The following CLMN variants were observed in gnomAD, a reference collection of about 807,000 sequenced individuals.
CLMN encodes the protein calmin.
Under a neutral mutation model 92.7 loss-of-function variants are expected in CLMN, and 57 were observed. The observed-to-expected ratio is 0.61, with a 90% confidence interval of 0.50 to 0.77. The LOEUF is 0.77. CLMN is among the 30% of genes least tolerant of loss of function. The pLI, the probability that CLMN is intolerant of heterozygous loss-of-function variation, is 0.00. For missense variants in CLMN, 1,158 were observed against 1,237.5 expected (o/e 0.94, Z 0.96); for synonymous variants, 466 against 470.6 (o/e 0.99, Z 0.13).
At chr14:95,293,602 G>A (rs1046830463) in intron 1 of CLMN, among the ~76,000 whole-genome samples, 1 of 152,104 alleles carries the variant, frequency 6.6e-6, no homozygotes, top group African/African-American at 2.4e-5. Flanking sequence ...CTCCCAGCAG[G>A]CAGGAACGAG....
At position 95,204,034 on chromosome 14, in the gene CLMN, T is replaced by C. The variant is rs768679372; in HGVS notation, c.1315A>G (p.Ser439Gly). 3 of 1,614,218 alleles carry C rather than the reference T, an allele frequency of 1.9e-6. No individual in the cohort carries two copies. Among genetic ancestry groups the C allele is most frequent in the South Asian group, 1.1e-5 (1 of 91,080 alleles). ...TCAAAGCAAAGGGACAGGTTCTTAC[T>C]GCAGAAAGGATCCTTGTAGGTGTCA... ...EADTYKDPFC[S>G]KNLSLCFEGS... The change falls in exon 9 of 13, where the codon AGT becomes GGT. Residue 439 changes from serine (S) to glycine (G), a missense_variant. Physicochemically the swap from Ser to Gly is moderately conservative, Grantham distance 56. Transcript: ENST00000298912.
At position 95,203,300 on chromosome 14, in the gene CLMN, G is replaced by A. The variant is rs138654486; in HGVS notation, c.2049C>T (p.Gly683=). The change falls in exon 9 of 13, where the codon GGC becomes GGT. Residue 683 remains glycine (G), a synonymous_variant. Transcript: ENST00000298912. ...EGEDDDLQGV[G]EELSSSPPSS... ...TTGGGGGGCTGGAAGATAATTCCTC[G>A]CCCACACCCTGGAGGTCATCGTCTT... 2.2e-4 allele frequency: 363 copies of A among 1,614,012 alleles called. No homozygotes were observed. The highest frequency in any genetic ancestry group is 3.3e-4 in the East Asian group (15 of 44,866).
In CLMN at chr14:95,259,358, C is replaced by T. The variant is rs568927585; in HGVS notation, c.83-29225G>A. On this transcript the variant is annotated intron_variant, in intron 1 of 12. Coordinates refer to ENST00000298912, the MANE Select transcript of CLMN (RefSeq NM_024734.4). This position sits in a 1 kb window ranked among gnomAD's most constrained non-coding sequence, Gnocchi z 4.3. ...GGACCCTGGCCGTCCACTGGCTCCC[C>T]ACTCACCAGGCCTGACCTTGGGCAC... Among the ~76,000 whole-genome samples, 1 of 152,186 alleles carries T rather than the reference C, an allele frequency of 6.6e-6. No homozygotes were observed. Among genetic ancestry groups the T allele is most frequent in the East Asian group, 1.9e-4 (1 of 5,188 alleles).
chr14:95,235,464 C>A (rs960307901), intron 1 of CLMN, among the ~76,000 whole-genome samples: 1 of 152,178 alleles, frequency 6.6e-6, no homozygotes, highest in African/African-American at 2.4e-5. Flanking sequence ...GGACAAAGAC[C>A]AGGCAGTCTA....
At chr14:95,206,402 A>G (rs938618885) in intron 8 of CLMN, among the ~76,000 whole-genome samples, 6 of 152,214 alleles carry the variant, frequency 3.9e-5, no homozygotes, top group Admixed American at 2.6e-4. Flanking sequence ...CTAGAATAGC[A>G]TATTAACATA....
At chr14:95,268,363 A>G in intron 1 of CLMN, among the ~76,000 whole-genome samples, 1 of 149,986 alleles carries the variant, frequency 6.7e-6, no homozygotes, top group African/African-American at 2.5e-5. Flanking sequence ...ATCTGAAGGG[A>G]ATTATGCTAT....
chr14:95,290,182 G>A (rs746248527), intron 1 of CLMN, among the ~76,000 whole-genome samples: 4 of 152,314 alleles, frequency 2.6e-5, no homozygotes, highest in Non-Finnish European at 5.9e-5. Flanking sequence ...CAGGTGCAAT[G>A]GGTCCTAGTG....
chr14:95,247,674 A>G (rs28703257), intron 1 of CLMN, among the ~76,000 whole-genome samples: 35,036 of 152,028 alleles, frequency 0.23, 5,250 homozygotes, highest in African/African-American at 0.42. Context: ...ACGTGGTAAG[A>G]GCACTGGGAC....
At position 95,223,828 on chromosome 14, in the gene CLMN, A is replaced by G; in HGVS notation, c.172T>C (p.Leu58=). 6.2e-7 allele frequency: 1 copy of G among 1,613,566 alleles called. No homozygotes were observed. The highest frequency in any genetic ancestry group is 8.5e-7 in the Non-Finnish European group (1 of 1,179,888). ...TTGCCATCTTGTATATCGACGAATA[A>G]ATCTTTAACTTCTAGAGGTGGGTTG... The part of the protein sequence containing the change: ...KCNPPLEVKD[L]FVDIQDGKIL... The change falls in exon 3 of 13, where the codon TTA becomes CTA. Residue 58 remains leucine, a synonymous_variant. Coordinates refer to ENST00000298912, the MANE Select transcript of CLMN (RefSeq NM_024734.4).
intron 1 of CLMN, among the ~76,000 whole-genome samples, chr14:95,265,068 T>C (rs7142980): frequency 0.21 from 32,512 of 151,622 alleles, 4,171 homozygotes; most frequent in African/African-American, 0.36. Context: ...GCCAAAACCC[T>C]GTCTCTACAA....
rs553312851 is a variant in CLMN at position 95,317,383 on chromosome 14, G to C, written c.82+2328C>G. 6.6e-5 allele frequency among the ~76,000 whole-genome samples: 10 copies of C among 152,222 alleles called. No homozygotes were observed. The East Asian group carries it at 1.9e-3, about 29-fold the overall frequency. On this transcript the variant is annotated intron_variant, in intron 1 of 12. Transcript: ENST00000298912. ...TCAGCAATGCTAAGCAAAGCACAACGCCCGACACGGTAACTCTACAGTGCT... is the reference window on the plus strand; with the variant it reads ...TCAGCAATGCTAAGCAAAGCACAACCCCCGACACGGTAACTCTACAGTGCT...
intron 9 of CLMN, among the ~76,000 whole-genome samples, chr14:95,199,869 G>A (rs1896827434): frequency 1.3e-5 from 2 of 152,106 alleles, no homozygotes; most frequent in African/African-American, 2.4e-5. Flanking sequence ...GTGGGAGGAT[G>A]CTGGCTTGGC....
intron 1 of CLMN, among the ~76,000 whole-genome samples, chr14:95,303,082 A>G (rs1901126218): frequency 6.6e-6 from 1 of 152,216 alleles, no homozygotes; most frequent in South Asian, 2.1e-4. Flanking sequence ...GATCAAGTAA[A>G]GTCAGTATCT....
chr14:95,229,093 T>C (rs1183522529), intron 2 of CLMN, among the ~76,000 whole-genome samples: 1 of 152,222 alleles, frequency 6.6e-6, no homozygotes, highest in Non-Finnish European at 1.5e-5. Context: ...AACCAGATAG[T>C]GGTGCTTAAG....
chr14:95,229,584 T>C (rs1465988626), intron 2 of CLMN, among the ~76,000 whole-genome samples: 1 of 152,136 alleles, frequency 6.6e-6, no homozygotes, highest in East Asian at 1.9e-4. Context: ...ACATGGCATG[T>C]GTGTGTGGCA....
At chr14:95,251,202 A>T (rs1184229119) in intron 1 of CLMN, among the ~76,000 whole-genome samples, 4 of 152,076 alleles carry the variant, frequency 2.6e-5, no homozygotes, top group Non-Finnish European at 1.5e-5. Context: ...TGGTTCTTAG[A>T]CAATGATGAT....
chr14:95,271,598 A>G (rs1899712926), intron 1 of CLMN, among the ~76,000 whole-genome samples: 1 of 152,254 alleles, frequency 6.6e-6, no homozygotes, highest in Non-Finnish European at 1.5e-5. Context: ...TAAATAAAGT[A>G]AAAGGACAAG....
Position 95,203,097 on chromosome 14 carries a change from T to C in CLMN, c.2252A>G (p.Lys751Arg), listed in dbSNP as rs377567749. 9 of 1,613,796 alleles carry C rather than the reference T, an allele frequency of 5.6e-6. No individual in the cohort carries two copies. Among genetic ancestry groups the C allele is most frequent in the African/African-American group, 1.3e-5 (1 of 74,952 alleles). Residue 751 changes from lysine (K) to arginine (R), a missense_variant, in exon 9 of 13, where the codon AAA becomes AGA. Transcript: ENST00000298912. ...CTCTTCGAGATCCATTTCTTCATTT[T>C]TTAGATCCTCCGGGTCTTCTACATA... ...EAYVEDPEDL[K>R]NEEMDLEEPE...
At chr14:95,234,157 C>T (rs923912104) in intron 1 of CLMN, among the ~76,000 whole-genome samples, 1 of 152,190 alleles carries the variant, frequency 6.6e-6, no homozygotes, top group Non-Finnish European at 1.5e-5. Flanking sequence ...CTTGGTCTCC[C>T]CTCCACAGAA....
Sources: gnomAD v4.1 joint callset for allele counts (sites outside exome capture counted in the v4.1 genomes callset) on GRCh38, gnomAD v4.1.1 for gene constraint, Gnocchi (gnomAD v3.1) non-coding constraint, MANE v1.5 for transcripts, NCBI Gene and HGNC (gene_info 2026-07-23, HGNC 2026-07-21) for gene names.